CBFB: variants seen among roughly 807,000 people sequenced by gnomAD.
CBFB encodes core-binding factor subunit beta.
A neutral mutation model predicts 30.4 loss-of-function variants in CBFB; 9 were observed. The observed-to-expected ratio is 0.30, with a 90% CI of 0.18 to 0.52. The LOEUF (loss-of-function observed/expected upper bound fraction) is 0.52. Among genes scored for constraint, CBFB ranks in the 20% least tolerant of loss-of-function variants. The pLI is 0.97. For missense variants in CBFB, 170 were observed against 244.0 expected (o/e 0.70, Z 2.02); for synonymous variants, 94 against 84.0 (o/e 1.12, Z -0.65).
chr16:67,033,289 C>T (rs182013943), intron 2 of CBFB, among the ~76,000 whole-genome samples: 4 of 152,258 alleles, frequency 2.6e-5, no homozygotes, highest in South Asian at 2.1e-4. Flanking sequence ...ACTGTAAAAC[C>T]CAATCAGCAT....
At chr16:67,083,573 C>T (rs1597156591) in intron 5 of CBFB, among the ~76,000 whole-genome samples, 1 of 152,276 alleles carries the variant, frequency 6.6e-6, no homozygotes, top group Non-Finnish European at 1.5e-5. Flanking sequence ...GGATTGATTA[C>T]AGGCGTGAGC....
intron 4 of CBFB, among the ~76,000 whole-genome samples, chr16:67,078,355 C>G (rs1224878545): frequency 1.3e-5 from 2 of 152,004 alleles, no homozygotes; most frequent in Non-Finnish European, 1.5e-5. Flanking sequence ...CAAGACCAGT[C>G]TGGGCAACAC....
rs1215442547 is a variant in CBFB, at chr16:67,035,960, C to CT, written c.166-678dup. Among the ~76,000 whole-genome samples, 12 of 152,184 alleles carry CT rather than the reference C, an allele frequency of 7.9e-5. 1 individual carries two copies. In the East Asian group the frequency reaches 2.3e-3, roughly 29 times the overall value. On this transcript the variant is annotated intron_variant, in intron 2 of 5. Coordinates refer to ENST00000412916, the MANE Select transcript of CBFB (RefSeq NM_022845.3). ...TTTAGATTGTTGCATCTGTTGAGCTCTAACATCCAAATCTTTTATATTTAT... is the reference window on the plus strand; with the variant it reads ...TTTAGATTGTTGCATCTGTTGAGCTCTTAACATCCAAATCTTTTATATTTAT...
intron 4 of CBFB, among the ~76,000 whole-genome samples, chr16:67,069,430 T>TA (rs1240738549): frequency 6.6e-6 from 1 of 151,296 alleles, no homozygotes; most frequent in African/African-American, 2.4e-5. Flanking sequence ...GTTCACAGAC[T>TA]AAATGGTAGA....
chr16:67,082,407 T>C, intron 5 of CBFB, 99 bp downstream of exon 5: 1 of 1,401,750 alleles, frequency 7.1e-7, no homozygotes, highest in Non-Finnish European at 9.6e-7. Flanking sequence ...TTTAATAGTT[T>C]AATTTTGTCT....
At position 67,059,516 on chromosome 16, in the gene CBFB, G is replaced by C. The variant is rs188821668; in HGVS notation, c.283-7166G>C. 5.7e-3 allele frequency among the ~76,000 whole-genome samples: 867 copies of C among 152,252 alleles called. 3 individuals are homozygous for C. The highest frequency in any genetic ancestry group is 0.019 in the African/African-American group (810 of 41,552). On this transcript the variant is annotated intron_variant, in intron 3 of 5. Coordinates refer to ENST00000412916, the MANE Select transcript of CBFB (RefSeq NM_022845.3). ...TGGGCTCAAACACATACATTTTTGC[G>C]CAGCGACGTTTCTGGCCTTCTTGAA...
At chr16:67,030,089 A>T in intron 2 of CBFB, 2 of 379,182 alleles carry the variant, frequency 5.3e-6, no homozygotes, top group Non-Finnish European at 9.4e-6. Context: ...AGCGAAGGGC[A>T]TTGTTTAGGC....
chr16:67,058,230 T>C (rs1184300023), intron 3 of CBFB, among the ~76,000 whole-genome samples: 1 of 152,178 alleles, frequency 6.6e-6, no homozygotes, highest in Non-Finnish European at 1.5e-5. Context: ...AACTTCTGCC[T>C]CCTGGGTTCA....
At chr16:67,046,512 A>C (rs1012117774) in intron 3 of CBFB, among the ~76,000 whole-genome samples, 1 of 151,918 alleles carries the variant, frequency 6.6e-6, no homozygotes, top group African/African-American at 2.4e-5. Context: ...TCCCATTTTC[A>C]CTTGTAGTTT....
intron 3 of CBFB, among the ~76,000 whole-genome samples, chr16:67,065,403 A>G (rs1356753524): frequency 1.3e-5 from 2 of 152,232 alleles, no homozygotes; most frequent in African/African-American, 4.8e-5. Flanking sequence ...TCTAATGTGT[A>G]AGTAGATATA....
intron 3 of CBFB, among the ~76,000 whole-genome samples, chr16:67,038,449 T>A (rs1167588277): frequency 6.6e-6 from 1 of 152,008 alleles, no homozygotes; most frequent in East Asian, 1.9e-4. Context: ...AGATTTGATC[T>A]TTTGTGCGTG....
intron 5 of CBFB, among the ~76,000 whole-genome samples, chr16:67,095,693 T>A (rs1962027428): frequency 6.7e-6 from 1 of 149,466 alleles, no homozygotes; most frequent in East Asian, 2.0e-4. Context: ...CTCATCTGTT[T>A]TTTTTTTTTT....
At chr16:67,053,845 T>C (rs1374605368) in intron 3 of CBFB, among the ~76,000 whole-genome samples, 2 of 113,766 alleles carry the variant, frequency 1.8e-5, no homozygotes, top group East Asian at 2.3e-4. Context: ...TCTTTTATCC[T>C]TTTTTTTTTT....
At position 67,060,050 on chromosome 16, in the gene CBFB, C is replaced by G. The variant is rs538422416; in HGVS notation, c.283-6632C>G. 1.4e-4 allele frequency among the ~76,000 whole-genome samples: 21 copies of G among 151,706 alleles called. No homozygotes were observed. In the South Asian group the frequency reaches 2.9e-3, roughly 21 times the overall value. ...AGTGCAGTGGCACGATCATGGCTCACTGCAGCCTCGACCTCCTGGGCTTAG... is the reference window on the plus strand; with the variant it reads ...AGTGCAGTGGCACGATCATGGCTCAGTGCAGCCTCGACCTCCTGGGCTTAG... On this transcript the variant is annotated intron_variant, in intron 3 of 5. Transcript: ENST00000412916.
chr16:67,084,813 G>A (rs1034573690), intron 5 of CBFB, among the ~76,000 whole-genome samples: 1 of 151,950 alleles, frequency 6.6e-6, no homozygotes, highest in East Asian at 1.9e-4. Context: ...TAAGAGCCCA[G>A]ACTCTACAGC....
chr16:67,054,263 C>T (rs1282368616), intron 3 of CBFB, among the ~76,000 whole-genome samples: 8 of 151,754 alleles, frequency 5.3e-5, no homozygotes, highest in Non-Finnish European at 7.4e-5. Context: ...GTAAGTTTGT[C>T]TTGTTCTAGA....
At chr16:67,056,888 G>A (rs1960743847) in intron 3 of CBFB, among the ~76,000 whole-genome samples, 1 of 152,096 alleles carries the variant, frequency 6.6e-6, no homozygotes, top group Non-Finnish European at 1.5e-5. Flanking sequence ...CACCATGTTG[G>A]CCAGGATGGT....
At chr16:67,052,827 G>C (rs995544434) in intron 3 of CBFB, among the ~76,000 whole-genome samples, 2 of 151,912 alleles carry the variant, frequency 1.3e-5, no homozygotes, top group Admixed American at 1.3e-4. Context: ...GCCAGGTGTC[G>C]TGATACAGGC....
chr16:67,087,804 A>G (rs916539347), intron 5 of CBFB, among the ~76,000 whole-genome samples: 5 of 152,168 alleles, frequency 3.3e-5, no homozygotes, highest in African/African-American at 1.2e-4. Flanking sequence ...CAAGAGCCCT[A>G]ATTTTCTCAC....
Sources: gnomAD v4.1 joint callset for allele counts (sites outside exome capture counted in the v4.1 genomes callset) on GRCh38, gnomAD v4.1.1 for gene constraint, MANE v1.5 for transcripts, NCBI Gene and HGNC (gene_info 2026-07-23, HGNC 2026-07-21) for gene names.